Variants in UBAC2 observed in about 807,000 individuals in gnomAD.
The protein encoded by UBAC2 is UBA domain containing 2, also known as ubiquitin-associated domain-containing protein 2.
Under a neutral mutation model 44.0 loss-of-function variants are expected in UBAC2, and 26 were observed. The observed-to-expected ratio is 0.59, with a 90% CI of 0.43 to 0.82. The LOEUF is 0.82. Ranked by LOEUF, UBAC2 falls within the 40% of genes least tolerant of loss-of-function variation. UBAC2 has a pLI of 0.00. For missense variants in UBAC2, 329 were observed against 419.4 expected, an observed-to-expected ratio of 0.78 and a Z score of 1.88; for synonymous variants, 155 against 154.3, an observed-to-expected ratio of 1.00 and a Z score of -0.04.
chr13:99,318,878 G>A (rs550607267), intron 6 of UBAC2, among the ~76,000 whole-genome samples: 6 of 149,392 alleles, frequency 4.0e-5, no homozygotes, highest in African/African-American at 1.5e-4. Context: ...AAGGAGGCCA[G>A]TTTGTGCTTT....
intron 5 of UBAC2, 73 bp from the exon 6 acceptor site, chr13:99,317,949 T>A: frequency 8.3e-7 from 1 of 1,209,070 alleles, no homozygotes; most frequent in Non-Finnish European, 1.2e-6. Context: ...ATGACTATAG[T>A]TATGTAAAAA....
intron 1 of UBAC2, among the ~76,000 whole-genome samples, chr13:99,201,811 C>T (rs189271360): frequency 6.6e-6 from 1 of 152,118 alleles, no homozygotes; most frequent in African/African-American, 2.4e-5. Context: ...GTGGCTCACG[C>T]CTGTAATCCC....
intron 7 of UBAC2, among the ~76,000 whole-genome samples, chr13:99,353,850 G>A (rs768104392): frequency 2.2e-4 from 34 of 152,242 alleles, no homozygotes; most frequent in Admixed American, 4.6e-4. Flanking sequence ...CCTTGATTTC[G>A]TGCAACCCCC....
intron 4 of UBAC2, among the ~76,000 whole-genome samples, chr13:99,312,629 G>A (rs954828394): frequency 2.6e-5 from 4 of 152,184 alleles, no homozygotes; most frequent in African/African-American, 4.8e-5. Flanking sequence ...TGGGGGCCAC[G>A]AGGAGAGCCA....
chr13:99,329,836 A>T (rs2044689716), intron 6 of UBAC2, among the ~76,000 whole-genome samples: 1 of 152,216 alleles, frequency 6.6e-6, no homozygotes, highest in Non-Finnish European at 1.5e-5. Context: ...CCACTCAGCT[A>T]AGTTACTCCC....
At chr13:99,327,046 T>C (rs2044649170) in intron 6 of UBAC2, among the ~76,000 whole-genome samples, 1 of 152,210 alleles carries the variant, frequency 6.6e-6, no homozygotes, top group Non-Finnish European at 1.5e-5. Context: ...ATATGAAGAA[T>C]GTGGCCTATA....
At chr13:99,346,974 C>T (rs1253409895) in intron 7 of UBAC2, among the ~76,000 whole-genome samples, 2 of 152,124 alleles carry the variant, frequency 1.3e-5, no homozygotes, top group African/African-American at 4.8e-5. Flanking sequence ...GATGAATAAT[C>T]AGGGCTGGAA....
chr13:99,289,938 C>A (rs921975706), intron 4 of UBAC2, among the ~76,000 whole-genome samples: 12 of 152,198 alleles, frequency 7.9e-5, no homozygotes, highest in African/African-American at 2.7e-4. Context: ...TAGTCACCTG[C>A]TCTTCCTCCC....
At chr13:99,304,839 T>C (rs2044308325) in intron 4 of UBAC2, among the ~76,000 whole-genome samples, 2 of 152,132 alleles carry the variant, frequency 1.3e-5, no homozygotes, top group Admixed American at 1.3e-4. Context: ...ATACATTTTA[T>C]CTCCTATTTC....
At chr13:99,289,038 A>T (rs2044056695) in intron 4 of UBAC2, among the ~76,000 whole-genome samples, 1 of 152,234 alleles carries the variant, frequency 6.6e-6, no homozygotes, top group African/African-American at 2.4e-5. Context: ...TGGCTGGCAA[A>T]GAGCTTGCCT....
intron 8 of UBAC2, among the ~76,000 whole-genome samples, chr13:99,383,060 GA>G (rs1269735833): frequency 6.6e-6 from 1 of 152,248 alleles, no homozygotes; most frequent in African/African-American, 2.4e-5. Flanking sequence ...GTGAGGGGCA[GA>G]ACACCAGGGT....
At chr13:99,349,891 CAG>C (rs2045054720) in intron 7 of UBAC2, among the ~76,000 whole-genome samples, 1 of 152,044 alleles carries the variant, frequency 6.6e-6, no homozygotes, top group Non-Finnish European at 1.5e-5. Context: ...GGTGGTGGAG[CAG>C]AGTGTTCCCT....
At chr13:99,232,399 G>GAGATAGATAGATAT (rs1367302629) in intron 1 of UBAC2, among the ~76,000 whole-genome samples, 3 of 109,900 alleles carry the variant, frequency 2.7e-5, no homozygotes, top group African/African-American at 8.6e-5. Flanking sequence ...TTAGTTGAGA[G>GAGATAGATAGATAT]ATATAGATAT....
intron 1 of UBAC2, among the ~76,000 whole-genome samples, chr13:99,229,421 A>G (rs2043148310): frequency 6.6e-6 from 1 of 152,234 alleles, no homozygotes; most frequent in Non-Finnish European, 1.5e-5. Context: ...GGAGGTAGTG[A>G]GCTGTGCGGT....
chr13:99,374,901 A>G (rs1445619165), intron 8 of UBAC2, among the ~76,000 whole-genome samples: 3 of 152,194 alleles, frequency 2.0e-5, no homozygotes, highest in African/African-American at 4.8e-5. Flanking sequence ...GAAGGGTTGA[A>G]CACGAAGGTG....
intron 8 of UBAC2, 87 bp from the exon 9 acceptor site, chr13:99,385,141 C>A: frequency 1.0e-6 from 1 of 992,194 alleles, no homozygotes; most frequent in Non-Finnish European, 1.6e-6. Context: ...TGACCTTTGC[C>A]ACAAGGCTCA....
chr13:99,205,850 A>G (rs2042865379), intron 1 of UBAC2: 1 of 161,452 alleles, frequency 6.2e-6, no homozygotes, highest in African/African-American at 2.4e-5. Context: ...TGCTCGGTCG[A>G]AGAGGACGAC....
At chr13:99,226,309 T>C (rs2043109391) in intron 1 of UBAC2, among the ~76,000 whole-genome samples, 1 of 152,178 alleles carries the variant, frequency 6.6e-6, no homozygotes, top group African/African-American at 2.4e-5. Context: ...AGAACAAAAC[T>C]TAATTTTATT....
intron 4 of UBAC2, among the ~76,000 whole-genome samples, chr13:99,264,850 G>A (rs2043719887): frequency 6.6e-6 from 1 of 152,190 alleles, no homozygotes; most frequent in East Asian, 1.9e-4. Context: ...CATTTCCTAA[G>A]TCCTCATCCC....
Sources: allele counts gnomAD v4.1 joint callset (sites outside exome capture counted in the v4.1 genomes callset), GRCh38; gene constraint gnomAD v4.1.1; transcripts MANE v1.5; gene names NCBI Gene and HGNC (gene_info 2026-07-23, HGNC 2026-07-21).